SUGP1: variants seen among roughly 807,000 people sequenced by gnomAD.
SUGP1 encodes SURP and G-patch domain containing 1.
SUGP1 carries 34 observed loss-of-function variants against 76.5 expected under a neutral mutation model. The observed-to-expected ratio is 0.44, with a 90% CI of 0.34 to 0.59. The LOEUF is 0.59. Ranked by LOEUF, SUGP1 falls within the 20% of genes least tolerant of loss-of-function variation. The pLI is 0.01. For missense variants in SUGP1, 752 were observed against 851.7 expected (o/e 0.88, Z 1.46); for synonymous variants, 326 against 326.2 (o/e 1.00, Z 0.01).
intron 3 of SUGP1, among the ~76,000 whole-genome samples, chr19:19,306,501 G>C (rs1292669936): frequency 5.3e-5 from 8 of 152,214 alleles, no homozygotes; most frequent in Non-Finnish European, 4.4e-5. Context: ...CACCTGATGG[G>C]GAAGGGACTC....
chr19:19,305,065 T>G (rs1413697530), intron 4 of SUGP1, among the ~76,000 whole-genome samples: 7 of 152,106 alleles, frequency 4.6e-5, no homozygotes. Context: ...GGGGCACCCC[T>G]TTAAGGAAAG....
chr19:19,291,672 G>T (rs781577887), intron 8 of SUGP1, among the ~76,000 whole-genome samples: 1 of 151,864 alleles, frequency 6.6e-6, no homozygotes, highest in African/African-American at 2.4e-5. Flanking sequence ...GGTGGATCAC[G>T]AGGTCAGGAG....
chr19:19,293,836 G>A (rs2061204412), intron 8 of SUGP1, among the ~76,000 whole-genome samples: 1 of 152,192 alleles, frequency 6.6e-6, no homozygotes, highest in Admixed American at 6.6e-5. Context: ...AAAAGAACCT[G>A]TAAAACTATT....
chr19:19,288,551 T>C (rs2061158702), intron 8 of SUGP1, among the ~76,000 whole-genome samples: 1 of 152,058 alleles, frequency 6.6e-6, no homozygotes, highest in Non-Finnish European at 1.5e-5. Context: ...GAGCTCAGTT[T>C]TGAAACCAGC....
intron 5 of SUGP1, 94 bp downstream of exon 5, chr19:19,303,630 T>A: frequency 4.0e-6 from 6 of 1,509,692 alleles, no homozygotes; most frequent in East Asian, 2.3e-5. Flanking sequence ...TGGAACAGCA[T>A]CCGGCCCACA....
At chr19:19,313,812 G>C (rs868286705) in intron 2 of SUGP1, among the ~76,000 whole-genome samples, 2 of 151,982 alleles carry the variant, frequency 1.3e-5, no homozygotes, top group African/African-American at 2.4e-5. Flanking sequence ...AGACTAGCCT[G>C]GTCAACATAG....
At chr19:19,282,654 C>CTATA (rs2061107371) in intron 8 of SUGP1, among the ~76,000 whole-genome samples, 1 of 151,980 alleles carries the variant, frequency 6.6e-6, no homozygotes, top group South Asian at 2.1e-4. Context: ...TGGGTATGAA[C>CTATA]TATACAGGTC....
chr19:19,284,143 C>T (rs1054034926), intron 8 of SUGP1, among the ~76,000 whole-genome samples: 1 of 152,048 alleles, frequency 6.6e-6, no homozygotes, highest in Non-Finnish European at 1.5e-5. Flanking sequence ...ATCATGGGTC[C>T]CATAAAAATT....
In SUGP1 at chr19:19,299,396, G is replaced by A. The variant is rs528776914; in HGVS notation, c.888-2052C>T. On this transcript the variant is annotated intron_variant, in intron 7 of 13. Coordinates refer to ENST00000247001, the MANE Select transcript of SUGP1 (RefSeq NM_172231.4). ...TTTTCTTCCTTTTTTTTTCTGAGAC[G>A]GAGTCTTGCTCTGTCGCCCAGGCTG... Among the ~76,000 whole-genome samples, 212 of 151,828 alleles carry A rather than the reference G, an allele frequency of 1.4e-3. 5 individuals carry two copies. The highest frequency in any genetic ancestry group is 1.2e-3 in the Non-Finnish European group (84 of 67,946).
rs568723036 is a variant in SUGP1, at chr19:19,314,005, G to A, written c.206+2417C>T. 2.2e-4 allele frequency among the ~76,000 whole-genome samples: 33 copies of A among 152,188 alleles called. 1 individual carries two copies. In the South Asian group the frequency reaches 6.6e-3, roughly 31 times the overall value. On this transcript the variant is annotated intron_variant, in intron 2 of 13. Coordinates refer to ENST00000247001, the MANE Select transcript of SUGP1 (RefSeq NM_172231.4). ...ATACAAAAATTAGCCGGGCACGATG[G>A]TGGGTTCCTGTAATCCCAGCTACTC...
intron 12 of SUGP1, 87 bp downstream of exon 12, chr19:19,277,647 T>C: frequency 4.6e-6 from 7 of 1,512,322 alleles, no homozygotes; most frequent in Non-Finnish European, 6.3e-6. Flanking sequence ...GGAAAAGCGA[T>C]GACATAAAGG....
chr19:19,299,161 A>T (rs916156980), intron 7 of SUGP1, among the ~76,000 whole-genome samples: 5 of 152,106 alleles, frequency 3.3e-5, no homozygotes, highest in African/African-American at 9.7e-5. Context: ...TCCCAGTTTT[A>T]AAAAAAATTT....
chr19:19,319,799 G>T (rs1345119029), intron 1 of SUGP1, among the ~76,000 whole-genome samples: 1 of 150,500 alleles, frequency 6.6e-6, no homozygotes, highest in East Asian at 2.0e-4. Context: ...CATATCATAC[G>T]TAACCTCACA....
chr19:19,298,586 G>A (rs77762974), intron 7 of SUGP1, among the ~76,000 whole-genome samples: 3 of 152,084 alleles, frequency 2.0e-5, no homozygotes, highest in African/African-American at 4.8e-5. Context: ...GCTAACATCC[G>A]GTACCTCAAG....
intron 1 of SUGP1, among the ~76,000 whole-genome samples, chr19:19,318,478 G>C (rs2061411717): frequency 6.6e-6 from 1 of 152,040 alleles, no homozygotes; most frequent in African/African-American, 2.4e-5. Flanking sequence ...GCCCAGGCAG[G>C]AGTGCAGTTG....
At chr19:19,284,767 G>C (rs1331025902) in intron 8 of SUGP1, among the ~76,000 whole-genome samples, 1 of 152,170 alleles carries the variant, frequency 6.6e-6, no homozygotes, top group Non-Finnish European at 1.5e-5. Flanking sequence ...AAGATGTCAG[G>C]ATAACAGGAA....
At chr19:19,302,045 C>T (rs1599861907) in intron 7 of SUGP1, 1 of 610,394 alleles carries the variant, frequency 1.6e-6, no homozygotes, top group Non-Finnish European at 2.7e-6. Context: ...CCCCAAAGGC[C>T]CCGTGCACCT....
intron 6 of SUGP1, 82 bp downstream of exon 6, chr19:19,303,266 C>T: frequency 8.2e-7 from 1 of 1,215,130 alleles, no homozygotes; most frequent in African/African-American, 1.5e-5. Flanking sequence ...CACTCCAGCA[C>T]CTCCAGGAAC....
At chr19:19,289,894 C>T (rs1232735932) in intron 8 of SUGP1, among the ~76,000 whole-genome samples, 1 of 152,156 alleles carries the variant, frequency 6.6e-6, no homozygotes, top group African/African-American at 2.4e-5. Flanking sequence ...CCCCATACGT[C>T]GCCCTATGTG....
Sources: allele counts gnomAD v4.1 joint callset (sites outside exome capture counted in the v4.1 genomes callset), GRCh38; gene constraint gnomAD v4.1.1; transcripts MANE v1.5; gene names NCBI Gene and HGNC (gene_info 2026-07-23, HGNC 2026-07-21).